Variants in GALNTL6 observed in about 807,000 individuals in gnomAD.
The protein encoded by GALNTL6 is polypeptide N-acetylgalactosaminyltransferase like 6, also known as polypeptide N-acetylgalactosaminyltransferase-like 6.
A neutral mutation model predicts 73.7 loss-of-function variants in GALNTL6; 46 were observed. That is an observed-to-expected ratio of 0.62 (90% confidence interval 0.49 to 0.80). GALNTL6 has a LOEUF of 0.80. Ranked by LOEUF, GALNTL6 falls within the 30% of genes least tolerant of loss-of-function variation. GALNTL6 has a pLI of 0.00. For missense variants in GALNTL6, 604 were observed against 755.0 expected (o/e 0.80, Z 2.34); for synonymous variants, 259 against 263.7 (o/e 0.98, Z 0.17).
chr4:172,959,357 G>A (rs1263150324), intron 10 of GALNTL6, among the ~76,000 whole-genome samples: 8 of 152,078 alleles, frequency 5.3e-5, no homozygotes, highest in Non-Finnish European at 8.8e-5. Flanking sequence ...AGGGAGCTGG[G>A]CAGGTGGGGA....
intron 2 of GALNTL6, among the ~76,000 whole-genome samples, chr4:171,900,754 G>C (rs1310520695): frequency 6.6e-6 from 1 of 152,004 alleles, no homozygotes; most frequent in East Asian, 1.9e-4. Context: ...ACAATCAATT[G>C]AGATTGATGT....
intron 10 of GALNTL6, among the ~76,000 whole-genome samples, chr4:172,983,867 A>G (rs1238215196): frequency 6.6e-6 from 1 of 152,138 alleles, no homozygotes; most frequent in Admixed American, 6.5e-5. Context: ...GCCGAAGCTT[A>G]TAAGAACCAG....
At chr4:172,206,838 G>C (rs1166835557) in intron 2 of GALNTL6, among the ~76,000 whole-genome samples, 1 of 40,346 alleles carries the variant, frequency 2.5e-5, no homozygotes, top group African/African-American at 1.4e-4. Context: ...TTTTTTTTGA[G>C]ACGGAGTCTC....
chr4:172,088,935 A>G (rs2110936837), intron 2 of GALNTL6, among the ~76,000 whole-genome samples: 1 of 152,288 alleles, frequency 6.6e-6, no homozygotes, highest in East Asian at 1.9e-4. Flanking sequence ...AAAGTTGCAC[A>G]TATTAAAGTA....
intron 2 of GALNTL6, among the ~76,000 whole-genome samples, chr4:171,965,067 T>G (rs760816560): frequency 2.0e-5 from 3 of 152,150 alleles, no homozygotes; most frequent in Admixed American, 6.5e-5. Flanking sequence ...GCCTGGGGAG[T>G]CCAAACTATA....
chr4:172,259,268 A>G (rs1359460521), intron 3 of GALNTL6, among the ~76,000 whole-genome samples: 1 of 150,964 alleles, frequency 6.6e-6, no homozygotes, highest in Non-Finnish European at 1.5e-5. Flanking sequence ...GCCAATATCT[A>G]TTATTTTAAA....
intron 2 of GALNTL6, among the ~76,000 whole-genome samples, chr4:171,898,762 T>C (rs1736998293): frequency 1.3e-5 from 2 of 151,828 alleles, no homozygotes; most frequent in Non-Finnish European, 1.5e-5. Flanking sequence ...TTTTGTGGGG[T>C]TCTAGAAATG....
At chr4:172,482,192 A>C (rs1180940353) in intron 5 of GALNTL6, among the ~76,000 whole-genome samples, 1 of 152,034 alleles carries the variant, frequency 6.6e-6, no homozygotes, top group Non-Finnish European at 1.5e-5. Context: ...GCCCACACCC[A>C]CCCGGAACTC....
chr4:171,834,146 A>G (rs1735043927), intron 2 of GALNTL6, among the ~76,000 whole-genome samples: 1 of 152,012 alleles, frequency 6.6e-6, no homozygotes, highest in Admixed American at 6.6e-5. Flanking sequence ...AGTGTAAAAC[A>G]TTAATGCTTA....
At chr4:172,368,726 C>T (rs1019667942) in intron 5 of GALNTL6, among the ~76,000 whole-genome samples, 2 of 150,852 alleles carry the variant, frequency 1.3e-5, no homozygotes, top group East Asian at 3.9e-4. Flanking sequence ...TCAGATGTGT[C>T]TGGAGTTTCT....
At chr4:172,610,444 T>C (rs928024082) in intron 5 of GALNTL6, among the ~76,000 whole-genome samples, 1 of 152,134 alleles carries the variant, frequency 6.6e-6, no homozygotes, top group Admixed American at 6.6e-5. Context: ...AATTGCATTA[T>C]TTACCCAAAA....
chr4:172,414,568 A>G (rs1240085136), intron 5 of GALNTL6, among the ~76,000 whole-genome samples: 1 of 152,196 alleles, frequency 6.6e-6, no homozygotes, highest in Non-Finnish European at 1.5e-5. Context: ...ATTGTCAAAT[A>G]GAGCACACTA....
chr4:172,369,536 G>A (rs910128255), intron 5 of GALNTL6, among the ~76,000 whole-genome samples: 8 of 152,262 alleles, frequency 5.3e-5, no homozygotes, highest in Admixed American at 2.6e-4. Context: ...GGCACCCGTC[G>A]GGGAGGTTCA....
intron 5 of GALNTL6, among the ~76,000 whole-genome samples, chr4:172,377,980 G>A (rs112385518): frequency 0.11 from 15,960 of 151,742 alleles, 868 homozygotes; most frequent in East Asian, 0.17. Flanking sequence ...CCCAGAGAGG[G>A]GCTTCCACAG....
intron 5 of GALNTL6, among the ~76,000 whole-genome samples, chr4:172,672,863 G>T (rs1191457370): frequency 2.0e-5 from 3 of 151,904 alleles, no homozygotes; most frequent in Admixed American, 6.6e-5. Flanking sequence ...TGGGGTCATT[G>T]GTAATATCCG....
intron 11 of GALNTL6, among the ~76,000 whole-genome samples, chr4:173,010,554 A>T (rs1410916087): frequency 6.6e-6 from 1 of 151,768 alleles, no homozygotes; most frequent in Admixed American, 6.6e-5. Context: ...GGATCACATG[A>T]TAGCTCAATT....
chr4:172,426,744 A>G (rs775806972), intron 5 of GALNTL6, among the ~76,000 whole-genome samples: 9 of 152,164 alleles, frequency 5.9e-5, no homozygotes, highest in Non-Finnish European at 1.0e-4. Flanking sequence ...TTGATTCATT[A>G]CTGACATCCA....
At chr4:172,396,558 G>A (rs189017098) in intron 5 of GALNTL6, among the ~76,000 whole-genome samples, 25 of 152,210 alleles carry the variant, frequency 1.6e-4, no homozygotes, top group African/African-American at 5.8e-4. Context: ...CCCAAACTCA[G>A]TGATATTTTT....
At chr4:172,483,074 G>A (rs1311017029) in intron 5 of GALNTL6, among the ~76,000 whole-genome samples, 1 of 152,058 alleles carries the variant, frequency 6.6e-6, no homozygotes, top group African/African-American at 2.4e-5. Flanking sequence ...ATATGTGTTT[G>A]TGTGTATAAT....
Sources: allele counts gnomAD v4.1 joint callset (sites outside exome capture counted in the v4.1 genomes callset), GRCh38; gene constraint gnomAD v4.1.1; transcripts MANE v1.5; gene names NCBI Gene and HGNC (gene_info 2026-07-23, HGNC 2026-07-21).